DEF8: variants seen among roughly 807,000 people sequenced by gnomAD.
DEF8 encodes DEF-8.
Under a neutral mutation model 59.1 loss-of-function variants are expected in DEF8, and 38 were observed. The ratio of observed to expected loss-of-function variants is 0.64; its 90% CI spans 0.50 to 0.84. The LOEUF (loss-of-function observed/expected upper bound fraction) is 0.84, where lower values mean the gene tolerates loss of function less well. Among genes scored for constraint, DEF8 ranks in the 40% least tolerant of loss-of-function variants. The pLI, the probability that DEF8 is intolerant of heterozygous loss-of-function variation, is 0.00. For synonymous variants in DEF8, 265 were observed against 250.1 expected, an observed-to-expected ratio of 1.06 and a Z score of -0.56; for missense variants, 557 against 615.2, an observed-to-expected ratio of 0.91 and a Z score of 1.00.
intron 2 of DEF8, among the ~76,000 whole-genome samples, chr16:89,953,128 T>C (rs1354919989): frequency 6.6e-6 from 1 of 152,116 alleles, no homozygotes; most frequent in African/African-American, 2.4e-5. Flanking sequence ...GCAGGTGTAG[T>C]GAAAGCATAA....
chr16:89,949,168 C>G (rs1352624165), intron 1 of DEF8, among the ~76,000 whole-genome samples: 1 of 150,958 alleles, frequency 6.6e-6, no homozygotes, highest in Non-Finnish European at 1.5e-5. Context: ...GCCTCGAGAC[C>G]TCGGCCGCCC....
chr16:89,957,466 C>G, intron 4 of DEF8, 45 bp from the exon 5 acceptor site: 1 of 1,542,570 alleles, frequency 6.5e-7, no homozygotes, highest in South Asian at 1.2e-5. Flanking sequence ...ACAGGGAGCT[C>G]CTGCAGGATG....
chr16:89,967,813 G>A lies in DEF8; in HGVS notation c.*1850G>A, dbSNP rs1480611550. 1 of 196,364 alleles carries A rather than the reference G, an allele frequency of 5.1e-6. No individual in the cohort carries two copies. Among genetic ancestry groups the A allele is most frequent in the Non-Finnish European group, 1.0e-5 (1 of 97,720 alleles). 12.2% of individuals were successfully genotyped at this position (196,364 alleles called of 1,614,324 possible). A position where few individuals can be genotyped will look rare whatever the true frequency, so the allele number is the denominator to read the frequency against. On this transcript the variant is annotated 3_prime_UTR_variant, in exon 13 of 13. Coordinates refer to ENST00000563594, the MANE Select transcript of DEF8 (RefSeq NM_001242818.2). ...CTGGTATTTGCTGGACAAAGGGTTG[G>A]GCCCCTTTTATTTTTACCTGCCACC... is the stretch of plus-strand genomic sequence containing the variant.
chr16:89,963,188 C>T (rs1482669382), intron 9 of DEF8, among the ~76,000 whole-genome samples, 175 bp from the exon 10 acceptor site: 2 of 152,220 alleles, frequency 1.3e-5, no homozygotes, highest in Non-Finnish European at 1.5e-5. Context: ...GTGAGCCTCA[C>T]GGTCCTGCCC....
At position 89,963,386 on chromosome 16, in the gene DEF8, C is replaced by A. The variant is rs1227793805; in HGVS notation, c.945C>A (p.Leu315=). The A allele has an allele frequency of 1.9e-6, 3 of 1,613,682 alleles. No individual in the cohort carries two copies. In the African/African-American group the frequency reaches 4.0e-5, roughly 22 times the overall value. The part of the protein sequence containing the change: ...EIRKLRQDIL[L]MKPYFITCRE... Reference sequence around the variant, plus strand: ...AGAAGCTGCGCCAGGACATCCTGCTCATGAAGCCGTACTTCATCACCTGCA... The same window carrying A: ...AGAAGCTGCGCCAGGACATCCTGCTAATGAAGCCGTACTTCATCACCTGCA... Residue 315 remains leucine (L), a synonymous_variant, in exon 10 of 13, where the codon CTC becomes CTA. Transcript: ENST00000563594.
chr16:89,952,146 G>A (rs2032267289), intron 2 of DEF8, among the ~76,000 whole-genome samples: 1 of 152,204 alleles, frequency 6.6e-6, no homozygotes, highest in Non-Finnish European at 1.5e-5. Flanking sequence ...CAATGTGCTG[G>A]GATTACAGGC....
intron 2 of DEF8, among the ~76,000 whole-genome samples, chr16:89,950,523 G>A (rs1017256787): frequency 6.6e-6 from 1 of 152,046 alleles, no homozygotes. Flanking sequence ...CAAGTAGCTG[G>A]ATTACAGGCA....
At position 89,951,847 on chromosome 16, in the gene DEF8, T is replaced by A. The variant is rs1597457529; in HGVS notation, c.-11+2334T>A. ...GTATACACACACACACATATATATG[T>A]ATATACACACACATACATATTTATG... On this transcript the variant is annotated intron_variant, in intron 2 of 12. Transcript: ENST00000563594. 2.0e-5 allele frequency among the ~76,000 whole-genome samples: 3 copies of A among 152,132 alleles called. No individual in the cohort carries two copies. In the East Asian group the frequency reaches 5.8e-4, roughly 29 times the overall value.
chr16:89,966,212 C>A lies in DEF8; in HGVS notation c.*249C>A. The A allele has an allele frequency of 4.8e-6, 2 of 420,356 alleles. No individual in the cohort carries two copies. 26.0% of individuals were successfully genotyped at this position (420,356 alleles called of 1,614,324 possible). A position where few individuals can be genotyped will look rare whatever the true frequency, so the allele number is the denominator to read the frequency against. ...GGTCCTTGCGTGGCCCCCATCCTTC[C>A]CCCAATGCAGAACTCCATGGGCAGG... On this transcript the variant is annotated 3_prime_UTR_variant, in exon 13 of 13. Coordinates refer to ENST00000563594, the MANE Select transcript of DEF8 (RefSeq NM_001242818.2).
intron 7 of DEF8, 39 bp from the exon 8 acceptor site, chr16:89,961,698 T>G (rs8048449): frequency 0.14 from 223,336 of 1,608,160 alleles, 17,858 homozygotes; most frequent in African/African-American, 0.34. Context: ...GTGGGGTTTT[T>G]GTGAGGCAGG....
intron 4 of DEF8, 92 bp from the exon 5 acceptor site, chr16:89,957,419 G>A: frequency 7.3e-7 from 1 of 1,367,432 alleles, no homozygotes; most frequent in Non-Finnish European, 9.8e-7. Context: ...AGGGGTGTCG[G>A]GGTCTGCTCT....
At chr16:89,950,333 G>T (rs1054493662) in intron 2 of DEF8, 4 of 985,208 alleles carry the variant, frequency 4.1e-6, no homozygotes, top group Non-Finnish European at 4.8e-6. Context: ...CAGAAAGTAG[G>T]TGTTCCCCCT....
In DEF8 at chr16:89,962,068, G is replaced by C. The variant is rs553966074; in HGVS notation, c.864G>C (p.Arg288Ser). The C allele has an allele frequency of 1.1e-5, 18 of 1,613,994 alleles. No homozygotes were observed. Among genetic ancestry groups the C allele is most frequent in the Admixed American group, 5.0e-5 (3 of 60,010 alleles). ...TGATGGTGTCTCGGCCCGTACTCAG[G>C]CTCCGGGAGATCAACCCTCTGCTGT... Reference protein sequence around the residue: ...LALMVSRPVLRLREINPLLFS... With the variant: ...LALMVSRPVLSLREINPLLFS... Residue 288 changes from arginine (R) to serine (S), a missense_variant, in exon 9 of 13, where the codon AGG becomes AGC. Physicochemically the swap from Arg to Ser is moderately radical, Grantham distance 110 (BLOSUM62 -1). Transcript: ENST00000563594.
intron 6 of DEF8, among the ~76,000 whole-genome samples, chr16:89,960,502 C>T (rs56375188): frequency 3.3e-5 from 5 of 151,986 alleles, no homozygotes; most frequent in Non-Finnish European, 4.4e-5. Flanking sequence ...GAGCAAGACC[C>T]TGTCTCTTAA....
At chr16:89,962,752 T>G (rs1434280827) in intron 9 of DEF8, among the ~76,000 whole-genome samples, 3 of 152,278 alleles carry the variant, frequency 2.0e-5, no homozygotes, top group African/African-American at 7.2e-5. Context: ...GAAATCAATG[T>G]ACATTTTTGA....
intron 3 of DEF8, 105 bp from the exon 4 acceptor site, chr16:89,955,064 C>T: frequency 1.2e-6 from 1 of 858,278 alleles, no homozygotes; most frequent in South Asian, 1.5e-5. Flanking sequence ...TTCTGTGCGG[C>T]TTCCTGAATC....
intron 2 of DEF8, 171 bp downstream of exon 2, chr16:89,949,684 G>A (rs771424104): frequency 3.2e-6 from 5 of 1,550,666 alleles, no homozygotes; most frequent in Admixed American, 1.9e-5. Context: ...GGGTCCCTCC[G>A]TGCCCCGGAA....
intron 2 of DEF8, among the ~76,000 whole-genome samples, chr16:89,951,750 G>A (rs1025747734): frequency 1.3e-5 from 2 of 152,144 alleles, no homozygotes; most frequent in African/African-American, 2.4e-5. Flanking sequence ...AGGAGGCAGG[G>A]ATGGCTGAAG....
At position 89,960,917 on chromosome 16, in the gene DEF8, T is replaced by C. The variant is rs958806630; in HGVS notation, c.515-14T>C. On this transcript the variant is annotated splice_polypyrimidine_tract_variant and intron_variant, in intron 6 of 12. Coordinates refer to ENST00000563594, the MANE Select transcript of DEF8 (RefSeq NM_001242818.2). Reference sequence around the variant, plus strand: ...CCTTCCCGCTTTTGAGAAGTGTGTGTCCCTCCACCCTAGGGTGTTATTACC... The same window carrying C: ...CCTTCCCGCTTTTGAGAAGTGTGTGCCCCTCCACCCTAGGGTGTTATTACC... 6.2e-7 allele frequency: 1 copy of C among 1,609,302 alleles called. No homozygotes were observed. Among genetic ancestry groups the C allele is most frequent in the Non-Finnish European group, 8.5e-7 (1 of 1,177,122 alleles).
Sources: allele counts gnomAD v4.1 joint callset (sites outside exome capture counted in the v4.1 genomes callset), GRCh38; gene constraint gnomAD v4.1.1; transcripts MANE v1.5; gene names NCBI Gene and HGNC (gene_info 2026-07-23, HGNC 2026-07-21).